Variants in CRYAB observed in about 807,000 individuals in gnomAD.
The protein encoded by CRYAB is crystallin alpha B.
In CRYAB, 9 loss-of-function variants were observed where a neutral mutation model predicts 12.7. That is an observed-to-expected ratio of 0.71 (90% CI 0.43 to 1.24). The LOEUF (loss-of-function observed/expected upper bound fraction) is 1.24. Ranked by LOEUF, CRYAB falls within the 50% of genes most tolerant of loss-of-function variation. The pLI is 0.00. For synonymous variants in CRYAB, 93 were observed against 86.8 expected, an observed-to-expected ratio of 1.07 and a Z score of -0.40; for missense variants, 183 against 226.6, an observed-to-expected ratio of 0.81 and a Z score of 1.24.
At chr11:111,922,904 TAGAAG>T (rs2137401982) in intron 1 of CRYAB, among the ~76,000 whole-genome samples, 1 of 152,314 alleles carries the variant, frequency 6.6e-6, no homozygotes. Context: ...ATTACCACTG[TAGAAG>T]AATGCCCACT....
At chr11:111,913,485 T>C (rs1965536474), upstream of CRYAB, 1 of 1,612,928 alleles carries the variant, frequency 6.2e-7, no homozygotes, top group African/African-American at 1.3e-5. Context: ...CTACCATGGC[T>C]ACTATGTCCG....
At chr11:111,909,809 C>A in intron 2 of CRYAB, 1 of 268,976 alleles carries the variant, frequency 3.7e-6, no homozygotes, top group Non-Finnish European at 7.1e-6. Context: ...TTTAGGGTAC[C>A]TGTAGTTAAT....
At chr11:111,909,245 T>G (rs1555165305) in intron 2 of CRYAB, 1 of 514,146 alleles carries the variant, frequency 1.9e-6, no homozygotes, top group South Asian at 1.5e-5. Flanking sequence ...TCCCAAAGGT[T>G]TAGATCAATG....
chr11:111,912,735 T>G, upstream of CRYAB: 5 of 313,678 alleles, frequency 1.6e-5, no homozygotes, highest in Non-Finnish European at 1.0e-5. Flanking sequence ...CGCCCCCACC[T>G]CCTATCGAGC....
upstream of CRYAB, chr11:111,913,421 G>A: frequency 6.3e-7 from 1 of 1,576,554 alleles, no homozygotes. Flanking sequence ...CCTGCCTCTT[G>A]CCTTCTCTCT....
chr11:111,922,111 C>T (rs372599665), intron 1 of CRYAB, among the ~76,000 whole-genome samples: 1 of 152,160 alleles, frequency 6.6e-6, no homozygotes, highest in Non-Finnish European at 1.5e-5. Flanking sequence ...GCATTACAGG[C>T]GTGAGCCACC....
Position 111,908,714 on chromosome 11 carries a change from C to G in CRYAB, c.*50G>C. The stretch of plus-strand genomic sequence containing the variant: ...GCACTAGTCACAAGACTTTCATTCA[C>G]TGGTGGGGAAACTTTCTTGTTTTAA... On this transcript the variant is annotated 3_prime_UTR_variant, in exon 3 of 3. Coordinates refer to ENST00000650687, the MANE Select transcript of CRYAB (RefSeq NM_001289808.2). 1.3e-6 allele frequency: 2 copies of G among 1,582,872 alleles called. No homozygotes were observed. The highest frequency in any genetic ancestry group is 1.7e-6 in the Non-Finnish European group (2 of 1,153,688).
At chr11:111,918,345 GT>G (rs1555166235), upstream of CRYAB, among the ~76,000 whole-genome samples, 3 of 152,130 alleles carry the variant, frequency 2.0e-5, no homozygotes, top group Admixed American at 2.0e-4. Context: ...ATTAGATTCA[GT>G]TTTTTTCATT....
chr11:111,917,430 A>G (rs1413978128), upstream of CRYAB, among the ~76,000 whole-genome samples: 1 of 152,180 alleles, frequency 6.6e-6, no homozygotes, highest in Non-Finnish European at 1.5e-5. Context: ...ACAAGAAAAG[A>G]AAGTAAGATG....
chr11:111,914,786 T>C (rs1965571839), upstream of CRYAB, among the ~76,000 whole-genome samples: 1 of 152,128 alleles, frequency 6.6e-6, no homozygotes, highest in Admixed American at 6.5e-5. Context: ...TTAAAGCAGT[T>C]GTTTCTTGGC....
chr11:111,909,051 CCCCT>C, intron 2 of CRYAB, 84 bp from the exon 3 acceptor site: 1 of 1,411,452 alleles, frequency 7.1e-7, no homozygotes, highest in Non-Finnish European at 1.0e-6. Flanking sequence ...ATCCTGATTT[CCCCT>C]TAGGTGAGAC....
intron 1 of CRYAB, chr11:111,918,684 T>C (rs1555166257): frequency 2.9e-6 from 2 of 684,152 alleles, no homozygotes; most frequent in Admixed American, 4.0e-5. Flanking sequence ...TCAGGTTTCT[T>C]TTTATTGAAG....
upstream of CRYAB, chr11:111,913,592 C>T: frequency 6.2e-7 from 1 of 1,614,210 alleles, no homozygotes; most frequent in Non-Finnish European, 8.5e-7. Flanking sequence ...ATGTGAGCCA[C>T]TTTACCCCAG....
upstream of CRYAB, chr11:111,912,825 C>T: frequency 6.3e-7 from 1 of 1,597,540 alleles, no homozygotes; most frequent in Non-Finnish European, 8.5e-7. Flanking sequence ...GCTGCATCTG[C>T]AGCCATGTCG....
upstream of CRYAB, chr11:111,913,774 A>G (rs1555165912): frequency 6.2e-7 from 1 of 1,614,072 alleles, no homozygotes; most frequent in Non-Finnish European, 8.5e-7. Context: ...GGCATCTTAA[A>G]CCTGGAAGCA....
upstream of CRYAB, among the ~76,000 whole-genome samples, chr11:111,916,011 G>A (rs934738808): frequency 1.3e-5 from 2 of 151,822 alleles, no homozygotes; most frequent in African/African-American, 4.8e-5. Flanking sequence ...CACAGTACTG[G>A]GATTACAGGT....
upstream of CRYAB, chr11:111,911,926 AG>A (rs1158734407): frequency 3.8e-5 from 22 of 585,988 alleles, no homozygotes; most frequent in Non-Finnish European, 6.7e-5. Flanking sequence ...CACTGAGCTA[AG>A]AAAAGAGAGA....
At chr11:111,913,973 TAGCA>T (rs1965555709), upstream of CRYAB, 24 of 1,252,336 alleles carry the variant, frequency 1.9e-5, no homozygotes, top group Non-Finnish European at 2.4e-5. Flanking sequence ...ACTCCAGAGG[TAGCA>T]GCATCCTTGG....
intron 2 of CRYAB, 126 bp downstream of exon 2, chr11:111,910,201 C>T: frequency 1.7e-6 from 2 of 1,168,598 alleles, no homozygotes; most frequent in Non-Finnish European, 1.3e-6. Context: ...TGATTTGTAA[C>T]CCCTGATCCC....
Sources: gnomAD v4.1 joint callset for allele counts (sites outside exome capture counted in the v4.1 genomes callset) on GRCh38, gnomAD v4.1.1 for gene constraint, MANE v1.5 for transcripts, NCBI Gene and HGNC (gene_info 2026-07-23, HGNC 2026-07-21) for gene names.